TXNIP: variants seen among roughly 807,000 people sequenced by gnomAD.
TXNIP encodes thioredoxin-interacting protein.
A neutral mutation model predicts 43.9 loss-of-function variants in TXNIP; 23 were observed. The observed-to-expected ratio is 0.52, with a 90% CI of 0.38 to 0.74. The LOEUF is 0.74. Ranked by LOEUF, TXNIP falls within the 30% of genes least tolerant of loss-of-function variation. TXNIP has a pLI of 0.00. For missense variants in TXNIP, 555 were observed against 485.4 expected, an observed-to-expected ratio of 1.14 and a Z score of -1.35; for synonymous variants, 234 against 172.2, an observed-to-expected ratio of 1.36 and a Z score of -2.81.
In TXNIP at chr1:145,994,056, G is replaced by C; in HGVS notation, c.1100C>G (p.Ala367Gly). ...GSQDSPIFMYAPEFKFMPPPT... is the reference protein window; with the variant it reads ...GSQDSPIFMYGPEFKFMPPPT... Reference sequence around the variant, plus strand: ...TGGTGGCATGAACTTGAACTCAGGGGCATACATAAAGATAGGGCTGTCTTG... The same window carrying C: ...TGGTGGCATGAACTTGAACTCAGGGCCATACATAAAGATAGGGCTGTCTTG... The change falls in exon 7 of 8, where the codon GCC (alanine) becomes GGC (glycine). Residue 367 changes from alanine to glycine, a missense_variant. Transcript: ENST00000582401. The C allele has an allele frequency of 6.2e-7, 1 of 1,614,086 alleles. No individual in the cohort carries two copies. The highest frequency in any genetic ancestry group is 8.5e-7 in the Non-Finnish European group (1 of 1,180,030).
Position 145,996,337 on chromosome 1 carries a change from C to G in TXNIP, c.-71G>C. 6.6e-7 allele frequency: 1 copy of G among 1,522,686 alleles called. No homozygotes were observed. The allele number at this position is 1,522,686 out of a possible 1,614,324, so 94.3% of individuals were successfully genotyped here. On this transcript the variant is annotated 5_prime_UTR_variant, in exon 1 of 8. Coordinates refer to ENST00000582401, the MANE Select transcript of TXNIP (RefSeq NM_006472.6). The stretch of plus-strand genomic sequence containing the variant: ...AAAAAAAAGCTCCAAATCGAGGAAA[C>G]CCCTTTGCAAAAAATTATTTCACTT...
Position 145,996,112 on chromosome 1 carries a change from G to A in TXNIP, c.155C>T (p.Ala52Val), listed in dbSNP as rs782430981. The A allele has an allele frequency of 1.2e-6, 2 of 1,614,010 alleles. No individual in the cohort carries two copies. Among genetic ancestry groups the A allele is most frequent in the Non-Finnish European group, 1.7e-6 (2 of 1,180,012 alleles). ...KAVRILACGV[A>V]KVLWMQGSQQ... ...GGATCCCTGCATCCAAAGCACTTTA[G>A]CCACTCCGCAAGCCAGGATCCTAAC... The change falls in exon 1 of 8, where the codon GCT becomes GTT. Residue 52 changes from alanine (A) to valine (V), a missense_variant. By Grantham distance (64) the Ala-to-Val change is moderately conservative. Coordinates refer to ENST00000582401, the MANE Select transcript of TXNIP (RefSeq NM_006472.6).
At chr1:145,995,113 A>C (rs1553766247) in intron 3 of TXNIP, 31 bp downstream of exon 3, 14 of 1,613,892 alleles carry the variant, frequency 8.7e-6, no homozygotes, top group Non-Finnish European at 1.2e-5. Flanking sequence ...CTCATGACCC[A>C]GGAGAATAGA....
chr1:145,994,128 C>G lies in TXNIP; in HGVS notation c.1028G>C (p.Arg343Pro). Residue 343 changes from arginine to proline, a missense_variant, in exon 7 of 8, where the codon CGA becomes CCA. By Grantham distance (103) the Arg-to-Pro change is moderately radical. Transcript: ENST00000582401. The part of the protein sequence containing the change: ...CYMDVIPEDH[R>P]LESPTTPLLD... Reference sequence around the variant, plus strand: ...CAGAGGAGTGGTTGGGCTCTCCAATCGGTGATCTTCAGGAATGACATCCAT... The same window carrying G: ...CAGAGGAGTGGTTGGGCTCTCCAATGGGTGATCTTCAGGAATGACATCCAT... 2 of 1,614,082 alleles carry G rather than the reference C, an allele frequency of 1.2e-6. No homozygotes were observed. The highest frequency in any genetic ancestry group is 1.7e-6 in the Non-Finnish European group (2 of 1,180,028).
Position 145,993,752 on chromosome 1 carries a change from C to T in TXNIP, c.*99G>A, listed in dbSNP as rs1651294900. The T allele has an allele frequency of 5.7e-6, 8 of 1,415,916 alleles. No individual in the cohort carries two copies. Among genetic ancestry groups the T allele is most frequent in the Non-Finnish European group, 7.8e-6 (8 of 1,022,190 alleles). The allele number at this position is 1,415,916 out of a possible 1,614,324, so 87.7% of individuals were successfully genotyped here. ...AGTCAGAGGCTAAGGTGGACCCACA[C>T]TCCATTGCAGAGACTGTTGAGTCTC... On this transcript the variant is annotated 3_prime_UTR_variant, in exon 8 of 8. Transcript: ENST00000582401.
Position 145,995,132 on chromosome 1 carries a change from A to G in TXNIP, c.471+12T>C, listed in dbSNP as rs1553766258. ...TGACCCAGGAGAATAGAATCTTTAA[A>G]ATGGATCTCACCATTAAATCAGGGG... On this transcript the variant is annotated intron_variant, in intron 3 of 7. Transcript: ENST00000582401. The G allele has an allele frequency of 6.2e-7, 1 of 1,614,050 alleles. No homozygotes were observed. The highest frequency in any genetic ancestry group is 2.2e-5 in the East Asian group (1 of 44,884).
chr1:145,993,939 C>T (rs900765102), intron 7 of TXNIP, 53 bp from the exon 8 acceptor site: 5 of 1,613,830 alleles, frequency 3.1e-6, no homozygotes, highest in Non-Finnish European at 3.4e-6. Context: ...AAGAACAAAC[C>T]AGTTTAGCAA....
chr1:145,995,354 C>A, intron 2 of TXNIP, 50 bp downstream of exon 2: 2 of 1,609,574 alleles, frequency 1.2e-6, no homozygotes, highest in Non-Finnish European at 1.7e-6. Flanking sequence ...CAAAGGAGGG[C>A]AAGATATTTT....
Position 145,993,597 on chromosome 1 carries a change from T to C in TXNIP, c.*254A>G, listed in dbSNP as rs1553765738. The C allele has an allele frequency of 7.5e-6, 3 of 399,426 alleles. No individual in the cohort carries two copies. The highest frequency in any genetic ancestry group is 3.8e-5 in the East Asian group (1 of 26,192). 24.7% of individuals were successfully genotyped at this position (399,426 alleles called of 1,614,324 possible). A position where few individuals can be genotyped will look rare whatever the true frequency, so the allele number is the denominator to read the frequency against. On this transcript the variant is annotated 3_prime_UTR_variant, in exon 8 of 8. Coordinates refer to ENST00000582401, the MANE Select transcript of TXNIP (RefSeq NM_006472.6). ...GGAGATCTGAGAAAATGGATGGGCCTGAGTTTTTCTAGTTATTTTTAAACC... is the reference window on the plus strand; with the variant it reads ...GGAGATCTGAGAAAATGGATGGGCCCGAGTTTTTCTAGTTATTTTTAAACC...
rs1330667092 is a variant in TXNIP, at chr1:145,996,293, T to C, written c.-27A>G. On this transcript the variant is annotated 5_prime_UTR_variant, in exon 1 of 8. Coordinates refer to ENST00000582401, the MANE Select transcript of TXNIP (RefSeq NM_006472.6). ...ATGGAACTGAGTTGGTTTTAAGAGTTAGAAATGACGGTGGAAGAAAAAAAA... is the reference window on the plus strand; with the variant it reads ...ATGGAACTGAGTTGGTTTTAAGAGTCAGAAATGACGGTGGAAGAAAAAAAA... The C allele has an allele frequency of 1.3e-6, 2 of 1,584,948 alleles. No homozygotes were observed. Among genetic ancestry groups the C allele is most frequent in the African/African-American group, 2.7e-5 (2 of 73,390 alleles).
intron 2 of TXNIP, 54 bp downstream of exon 2, chr1:145,995,350 A>G: frequency 6.2e-7 from 1 of 1,609,646 alleles, no homozygotes; most frequent in Non-Finnish European, 8.5e-7. Flanking sequence ...TGATCAAAGG[A>G]GGGCAAGATA....
chr1:145,996,511 TCCCCCAA>T lies in TXNIP; in HGVS notation c.-252_-246del. ...GCTAATTCAGAGAAAAAGCCTTCTTTCCCCCAATTGCTGGAGAAAAGATCCGATCTCC... is the reference window on the plus strand; with the variant it reads ...GCTAATTCAGAGAAAAAGCCTTCTTTTTGCTGGAGAAAAGATCCGATCTCC... On this transcript the variant is annotated 5_prime_UTR_variant, in exon 1 of 8. Coordinates refer to ENST00000582401, the MANE Select transcript of TXNIP (RefSeq NM_006472.6). 2.5e-6 allele frequency: 1 copy of T among 395,066 alleles called. No individual in the cohort carries two copies. Among genetic ancestry groups the T allele is most frequent in the Non-Finnish European group, 4.6e-6 (1 of 218,200 alleles). 24.5% of individuals were successfully genotyped at this position (395,066 alleles called of 1,614,324 possible).
At position 145,992,600 on chromosome 1, in the gene TXNIP, T is replaced by TA. The variant is rs1231405845; in HGVS notation, c.*1250dup. 6 of 152,660 alleles carry TA rather than the reference T, an allele frequency of 3.9e-5. No homozygotes were observed. The highest frequency in any genetic ancestry group is 1.4e-4 in the African/African-American group (6 of 41,450). 9.5% of individuals were successfully genotyped at this position (152,660 alleles called of 1,614,324 possible). A position where few individuals can be genotyped will look rare whatever the true frequency, so the allele number is the denominator to read the frequency against. On this transcript the variant is annotated 3_prime_UTR_variant, in exon 8 of 8. Coordinates refer to ENST00000582401, the MANE Select transcript of TXNIP (RefSeq NM_006472.6). ...ATCTTCAGCCCACACTTTCTGGCTG[T>TA]AATAACTCTCAGAAAAGGGTGGAGC...
At position 145,993,701 on chromosome 1, in the gene TXNIP, C is replaced by T; in HGVS notation, c.*150G>A. On this transcript the variant is annotated 3_prime_UTR_variant, in exon 8 of 8. Coordinates refer to ENST00000582401, the MANE Select transcript of TXNIP (RefSeq NM_006472.6). ...GCATCCTTTAAGGCCCAGGAGATTG[C>T]CTGCTGACCACCTCCTACATTAGGA... 1 of 827,420 alleles carries T rather than the reference C, an allele frequency of 1.2e-6. No individual in the cohort carries two copies. Among genetic ancestry groups the T allele is most frequent in the Non-Finnish European group, 1.9e-6 (1 of 535,562 alleles). The allele number at this position is 827,420 out of a possible 1,614,324, so 51.3% of individuals were successfully genotyped here.
intron 1 of TXNIP, 174 bp downstream of exon 1, chr1:145,995,842 CT>C (rs200840774): frequency 1.4e-4 from 121 of 843,246 alleles, no homozygotes; most frequent in Middle Eastern, 1.1e-3. Flanking sequence ...ACAAATCACC[CT>C]TTTTTTTGGG....
intron 1 of TXNIP, chr1:145,995,791 C>T (rs1651486795): frequency 1.6e-6 from 1 of 638,710 alleles, no homozygotes; most frequent in Admixed American, 3.0e-5. Context: ...AGGCAACGCC[C>T]CTCAGGATCC....
chr1:145,995,653 G>T, intron 1 of TXNIP, 177 bp from the exon 2 acceptor site: 1 of 681,646 alleles, frequency 1.5e-6, no homozygotes, highest in Non-Finnish European at 2.5e-6. Flanking sequence ...GATGTATTTT[G>T]TCGGGCAGCA....
intron 1 of TXNIP, 45 bp from the exon 2 acceptor site, chr1:145,995,521 C>A (rs782317969): frequency 6.4e-7 from 1 of 1,571,564 alleles, no homozygotes; most frequent in Non-Finnish European, 8.8e-7. Context: ...TGCTGTTACA[C>A]TTAAAATGCA....
chr1:145,995,059 T>A (rs1651412260), intron 3 of TXNIP, 28 bp from the exon 4 acceptor site: 2 of 1,613,480 alleles, frequency 1.2e-6, no homozygotes, highest in Admixed American at 1.7e-5. Flanking sequence ...AAAAGGTGTT[T>A]TGAGATGCTT....
Sources: gnomAD v4.1 joint callset for allele counts on GRCh38, gnomAD v4.1.1 for gene constraint, MANE v1.5 for transcripts, NCBI Gene and HGNC (gene_info 2026-07-23, HGNC 2026-07-21) for gene names.